CDKL4: variants seen among roughly 807,000 people sequenced by gnomAD.
CDKL4 encodes the protein cyclin dependent kinase like 4, also known as cyclin-dependent kinase-like 4.
Under a neutral mutation model 42.0 loss-of-function variants are expected in CDKL4, and 44 were observed. The observed-to-expected ratio is 1.05, with a 90% CI of 0.82 to 1.35. The LOEUF (loss-of-function observed/expected upper bound fraction) is 1.35, where lower values mean the gene tolerates loss of function less well. CDKL4 is among the 40% of genes most tolerant of loss of function. The pLI is 0.00. For synonymous variants in CDKL4, 120 were observed against 121.6 expected (o/e 0.99, Z 0.09); for missense variants, 393 against 369.9 (o/e 1.06, Z -0.51).
intron 8 of CDKL4, among the ~76,000 whole-genome samples, chr2:39,182,811 T>C (rs1291717481): frequency 6.6e-6 from 1 of 152,202 alleles, no homozygotes; most frequent in East Asian, 1.9e-4. Flanking sequence ...ATGGTCTCAT[T>C]TTAAACCTAA....
intron 1 of CDKL4, among the ~76,000 whole-genome samples, chr2:39,232,940 G>A (rs1248993189): frequency 6.6e-6 from 1 of 151,106 alleles, no homozygotes; most frequent in Non-Finnish European, 1.5e-5. Flanking sequence ...AGCTACTCAG[G>A]AGGCTGAGAC....
At chr2:39,184,346 G>A (rs1675605109) in intron 8 of CDKL4, among the ~76,000 whole-genome samples, 1 of 152,190 alleles carries the variant, frequency 6.6e-6, no homozygotes, top group South Asian at 2.1e-4. Flanking sequence ...TAGTGCAGGA[G>A]CTAGGTCTGG....
chr2:39,237,209 G>A (rs960549505), intron 1 of CDKL4, among the ~76,000 whole-genome samples: 9 of 152,172 alleles, frequency 5.9e-5, no homozygotes, highest in Non-Finnish European at 1.3e-4. Flanking sequence ...TATATACCGT[G>A]ACTCTGTGGG....
intron 1 of CDKL4, among the ~76,000 whole-genome samples, chr2:39,237,978 TACTC>T (rs1167702388): frequency 2.0e-5 from 3 of 152,130 alleles, no homozygotes; most frequent in East Asian, 1.9e-4. Flanking sequence ...ATGAATAAAA[TACTC>T]AGGAATACAT....
intron 5 of CDKL4, among the ~76,000 whole-genome samples, chr2:39,192,413 T>G (rs537355881): frequency 2.0e-5 from 3 of 152,152 alleles, no homozygotes; most frequent in Non-Finnish European, 4.4e-5. Flanking sequence ...CAGGCTAAAA[T>G]GCAGTGGCAC....
At chr2:39,194,542 A>C (rs1244680324) in intron 5 of CDKL4, among the ~76,000 whole-genome samples, 1 of 152,210 alleles carries the variant, frequency 6.6e-6, no homozygotes, top group Non-Finnish European at 1.5e-5. Context: ...TAGTATTTTA[A>C]TGTGCATTTA....
intron 3 of CDKL4, among the ~76,000 whole-genome samples, chr2:39,225,202 C>G (rs1477539063): frequency 1.3e-5 from 2 of 151,970 alleles, no homozygotes; most frequent in Non-Finnish European, 2.9e-5. Context: ...GAGTTCAAGA[C>G]CAGCCTGGCC....
rs560844627 is a variant in CDKL4 at position 39,235,697 on chromosome 2, G to A, written c.-56-6109C>T. Among the ~76,000 whole-genome samples the A allele has an allele frequency of 9.2e-5, 14 of 152,216 alleles. No individual in the cohort carries two copies. The South Asian group carries it at 2.5e-3, about 27-fold the overall frequency. On this transcript the variant is annotated intron_variant, in intron 1 of 9. Transcript: ENST00000451199. The stretch of plus-strand genomic sequence containing the variant: ...GGGAGTTCAAGGTTATAGTACTGTA[G>A]AACTATGATCATGCCACTGCACTCC...
At chr2:39,187,489 G>A in intron 7 of CDKL4, 138 bp downstream of exon 7, 1 of 581,892 alleles carries the variant, frequency 1.7e-6, no homozygotes, top group Non-Finnish European at 2.9e-6. Flanking sequence ...AGGCTGCAGT[G>A]AGCCATGACC....
At chr2:39,181,875 C>T (rs1029596004) in intron 8 of CDKL4, among the ~76,000 whole-genome samples, 1 of 152,216 alleles carries the variant, frequency 6.6e-6, no homozygotes, top group Non-Finnish European at 1.5e-5. Context: ...AAAAGCAATA[C>T]AGCCACTGTA....
upstream of CDKL4, among the ~76,000 whole-genome samples, chr2:39,244,105 G>C (rs1480251627): frequency 6.6e-6 from 1 of 152,258 alleles, no homozygotes; most frequent in Non-Finnish European, 1.5e-5. Flanking sequence ...AGAGGTGACA[G>C]CGTGCTGGCA....
At chr2:39,242,076 C>T (rs1453427924) in intron 1 of CDKL4, among the ~76,000 whole-genome samples, 7 of 150,390 alleles carry the variant, frequency 4.7e-5, no homozygotes, top group Non-Finnish European at 7.4e-5. Context: ...GACAGGGTCT[C>T]GCTCTGTCAC....
At chr2:39,214,179 T>A (rs1308295984) in intron 3 of CDKL4, among the ~76,000 whole-genome samples, 1 of 152,198 alleles carries the variant, frequency 6.6e-6, no homozygotes, top group East Asian at 1.9e-4. Context: ...TGCCTCGCCC[T>A]CCTAAAGTGC....
At chr2:39,243,311 ATT>A (rs1368227236) in intron 1 of CDKL4, among the ~76,000 whole-genome samples, 1 of 152,190 alleles carries the variant, frequency 6.6e-6, no homozygotes, top group Non-Finnish European at 1.5e-5. Flanking sequence ...CCATTAAATC[ATT>A]GTTTTATCAA....
At chr2:39,181,066 A>G (rs1572939052) in intron 8 of CDKL4, among the ~76,000 whole-genome samples, 1 of 152,160 alleles carries the variant, frequency 6.6e-6, no homozygotes, top group African/African-American at 2.4e-5. Flanking sequence ...CCACTGTTCC[A>G]TTAAAGTGGC....
chr2:39,223,442 G>C (rs187424760), intron 3 of CDKL4, among the ~76,000 whole-genome samples: 1 of 152,218 alleles, frequency 6.6e-6, no homozygotes, highest in East Asian at 1.9e-4. Context: ...CTGTTGATAA[G>C]ACTGGGTATA....
intron 1 of CDKL4, among the ~76,000 whole-genome samples, chr2:39,230,061 G>T (rs1333029753): frequency 6.6e-6 from 1 of 152,226 alleles, no homozygotes; most frequent in Non-Finnish European, 1.5e-5. Flanking sequence ...GAAAGAGCGT[G>T]GGCCATTGAA....
downstream of CDKL4, among the ~76,000 whole-genome samples, chr2:39,172,333 G>T (rs982204850): frequency 6.7e-6 from 1 of 150,302 alleles, no homozygotes; most frequent in African/African-American, 2.5e-5. Context: ...AAAAAAAAAA[G>T]AAAAAGAAAA....
chr2:39,178,836 T>C lies in CDKL4; in HGVS notation c.927+351A>G, dbSNP rs576150447. On this transcript the variant is annotated intron_variant, in intron 9 of 9. Coordinates refer to ENST00000451199, the Ensembl canonical transcript of CDKL4. ...GCTACAGAAAGGCACTTGGATTCCTTTGCAATGCTGGCAAAACTCAGTCCT... is the reference window on the plus strand; with the variant it reads ...GCTACAGAAAGGCACTTGGATTCCTCTGCAATGCTGGCAAAACTCAGTCCT... 3.2e-5 allele frequency: 48 copies of C among 1,519,434 alleles called. No homozygotes were observed. The East Asian group carries it at 1.2e-3, about 37-fold the overall frequency. 94.1% of individuals were successfully genotyped at this position (1,519,434 alleles called of 1,614,324 possible).
Sources: allele counts gnomAD v4.1 joint callset (sites outside exome capture counted in the v4.1 genomes callset), GRCh38; gene constraint gnomAD v4.1.1; transcripts MANE v1.5; gene names NCBI Gene and HGNC (gene_info 2026-07-23, HGNC 2026-07-21).